The following ACTN1 variants were observed in gnomAD, a reference collection of about 807,000 sequenced individuals.
ACTN1 encodes the protein actinin alpha 1, also known as alpha-actinin-1.
A neutral mutation model predicts 119.6 loss-of-function variants in ACTN1; 30 were observed. The observed-to-expected ratio is 0.25, with a 90% CI of 0.19 to 0.34. The LOEUF (loss-of-function observed/expected upper bound fraction) is 0.34. Among genes scored for constraint, ACTN1 ranks in the 10% least tolerant of loss-of-function variants. The pLI, the probability that ACTN1 is intolerant of heterozygous loss-of-function variation, is 1.00. For missense variants in ACTN1, 764 were observed against 1,223.4 expected (o/e 0.62, Z 5.60); for synonymous variants, 429 against 472.6 (o/e 0.91, Z 1.20).
chr14:68,964,881 C>G (rs901581685), intron 1 of ACTN1, among the ~76,000 whole-genome samples: 1 of 152,168 alleles, frequency 6.6e-6, no homozygotes, highest in Non-Finnish European at 1.5e-5. Flanking sequence ...AACGCAAGAG[C>G]CAGTCCCAGG....
chr14:68,887,796 C>A (rs1324051772), intron 11 of ACTN1: 2 of 960,048 alleles, frequency 2.1e-6, no homozygotes, highest in African/African-American at 3.3e-5. Context: ...TAATCAGACT[C>A]GGCTTCTTTC....
intron 3 of ACTN1, among the ~76,000 whole-genome samples, chr14:68,920,432 C>G (rs973454885): frequency 6.6e-6 from 1 of 152,200 alleles, no homozygotes; most frequent in African/African-American, 2.4e-5. Flanking sequence ...TCAGAGCCAC[C>G]ACCATGCACA....
intron 1 of ACTN1, chr14:68,936,647 G>C (rs2035531829): frequency 1.6e-6 from 1 of 619,632 alleles, no homozygotes; most frequent in East Asian, 3.6e-5. Flanking sequence ...AGAGCCCATG[G>C]GGGAAGAGCC....
chr14:68,890,009 A>G (rs2032347875), intron 11 of ACTN1, 130 bp downstream of exon 11: 3 of 1,388,110 alleles, frequency 2.2e-6, no homozygotes, highest in African/African-American at 1.5e-5. Context: ...GAACTTGCCT[A>G]AAGCCATGGA....
Position 68,878,488 on chromosome 14 carries a change from G to T in ACTN1, c.2397C>A (p.Arg799=). The T allele has an allele frequency of 1.3e-6, 2 of 1,580,160 alleles. No individual in the cohort carries two copies. Among genetic ancestry groups the T allele is most frequent in the Non-Finnish European group, 1.7e-6 (2 of 1,161,272 alleles). The change falls in exon 20 of 22, where the codon CGC becomes CGA. Residue 799 remains arginine, a synonymous_variant. Coordinates refer to ENST00000394419, the MANE Select transcript of ACTN1 (RefSeq NM_001130004.2). The surrounding 1 kb of genome is among the most constrained non-coding windows in gnomAD (Gnocchi z 4.4). ...TGTAACCCATGGAGATCAGGCAGGC[G>T]CGGAAATCATCCGTGTCCATCATGC... ...KTGMMDTDDF[R]ACLISMGYNM...
At chr14:68,968,452 GA>G (rs1276831287) in intron 1 of ACTN1, among the ~76,000 whole-genome samples, 1 of 151,930 alleles carries the variant, frequency 6.6e-6, no homozygotes, top group African/African-American at 2.4e-5. Flanking sequence ...GCAATGAACA[GA>G]GTGATGCATT....
chr14:68,912,308 G>T, intron 3 of ACTN1, 66 bp from the exon 4 acceptor site: 2 of 1,198,522 alleles, frequency 1.7e-6, no homozygotes, highest in Non-Finnish European at 1.2e-6. Flanking sequence ...CACTCCCTCA[G>T]CACCCACAGC....
chr14:68,963,499 G>A (rs1438970413), intron 1 of ACTN1, among the ~76,000 whole-genome samples: 3 of 152,348 alleles, frequency 2.0e-5, no homozygotes, highest in Admixed American at 6.5e-5. Flanking sequence ...TTGAGTAGAT[G>A]AACTAGGGCT....
chr14:68,978,228 G>A (rs1348207557), intron 1 of ACTN1: 3 of 456,230 alleles, frequency 6.6e-6, no homozygotes, highest in Admixed American at 2.3e-5. Flanking sequence ...TTTCCCGGGG[G>A]TCGGAGGGGC....
Position 68,892,290 on chromosome 14 carries a change from T to C in ACTN1, c.856-7A>G, listed in dbSNP as rs901255558. The C allele has an allele frequency of 6.2e-7, 1 of 1,606,486 alleles. No individual in the cohort carries two copies. Among genetic ancestry groups the C allele is most frequent in the Non-Finnish European group, 8.5e-7 (1 of 1,175,266 alleles). On this transcript the variant is annotated splice_polypyrimidine_tract_variant and splice_region_variant and intron_variant, in intron 9 of 21. Transcript: ENST00000394419. ...GGCGGATCCACTCCAACAGCTAGGG[T>C]GGGAAGGCGGTGGGGGCAGGAGGTG...
intron 6 of ACTN1, among the ~76,000 whole-genome samples, chr14:68,908,492 T>C (rs2033804350): frequency 6.6e-6 from 1 of 152,182 alleles, no homozygotes; most frequent in Non-Finnish European, 1.5e-5. Flanking sequence ...CCAAGAGATC[T>C]GAGCACAGAT....
At position 68,909,503 on chromosome 14, in the gene ACTN1, A is replaced by G; in HGVS notation, c.516-107T>C. The G allele has an allele frequency of 1.0e-6, 1 of 995,222 alleles. No individual in the cohort carries two copies. The highest frequency in any genetic ancestry group is 1.5e-6 in the Non-Finnish European group (1 of 645,722). The allele number at this position is 995,222 out of a possible 1,614,324, so 61.6% of individuals were successfully genotyped here. Reference sequence around the variant, plus strand: ...AGACACCAGAGAGATGAACACATAGAGCTTTCTGGGGTAGGAGTTAGAAGA... The same window carrying G: ...AGACACCAGAGAGATGAACACATAGGGCTTTCTGGGGTAGGAGTTAGAAGA... On this transcript the variant is annotated intron_variant, in intron 5 of 21. Transcript: ENST00000394419. The surrounding 1 kb of genome is among the most constrained non-coding windows in gnomAD (Gnocchi z 4.1).
chr14:68,875,291 A>G (rs950156992), intron 21 of ACTN1: 2 of 806,426 alleles, frequency 2.5e-6, no homozygotes, highest in Non-Finnish European at 1.9e-6. Context: ...TTACACCTAT[A>G]ATCATCTTCT....
At chr14:68,889,326 G>C (rs1401946688) in intron 11 of ACTN1, among the ~76,000 whole-genome samples, 2 of 152,218 alleles carry the variant, frequency 1.3e-5, no homozygotes, top group Admixed American at 6.5e-5. Context: ...AGGAAAAAGA[G>C]CTGAAGAGAT....
chr14:68,916,572 A>G (rs1396135514), intron 3 of ACTN1, among the ~76,000 whole-genome samples: 1 of 151,496 alleles, frequency 6.6e-6, no homozygotes, highest in Non-Finnish European at 1.5e-5. Context: ...CATCCCATCC[A>G]CTCTCCTTCC....
chr14:68,920,018 AG>A (rs982635003), intron 3 of ACTN1, among the ~76,000 whole-genome samples: 43 of 152,216 alleles, frequency 2.8e-4, no homozygotes, highest in South Asian at 2.1e-4. Context: ...TGGACTTCCC[AG>A]GAGCAAGACC....
At chr14:68,946,798 C>T (rs2035961414) in intron 1 of ACTN1, among the ~76,000 whole-genome samples, 1 of 152,200 alleles carries the variant, frequency 6.6e-6, no homozygotes, top group South Asian at 2.1e-4. Flanking sequence ...CAGCCCTCAC[C>T]TCCTTCCTGT....
intron 8 of ACTN1, among the ~76,000 whole-genome samples, chr14:68,899,516 CCATA>C (rs1375687658): frequency 4.6e-5 from 7 of 150,998 alleles, no homozygotes; most frequent in African/African-American, 1.7e-4. Flanking sequence ...CACATCCATA[CCATA>C]CACACACACC....
At chr14:68,907,627 G>C (rs961518681) in intron 6 of ACTN1, among the ~76,000 whole-genome samples, 1 of 152,122 alleles carries the variant, frequency 6.6e-6, no homozygotes, top group African/African-American at 2.4e-5. Context: ...AGCAAAACAG[G>C]GAGAAACTGG....
Sources: allele counts gnomAD v4.1 joint callset (sites outside exome capture counted in the v4.1 genomes callset), GRCh38; gene constraint gnomAD v4.1.1; non-coding constraint Gnocchi (gnomAD v3.1); transcripts MANE v1.5; gene names NCBI Gene and HGNC (gene_info 2026-07-23, HGNC 2026-07-21).